Variants in CARMIL1 observed in about 807,000 individuals in gnomAD.
CARMIL1 encodes F-actin-uncapping protein LRRC16A.
A neutral mutation model predicts 177.1 loss-of-function variants in CARMIL1; 90 were observed. The observed-to-expected ratio is 0.51, with a 90% CI of 0.43 to 0.61. The LOEUF is 0.61. CARMIL1 is among the 20% of genes least tolerant of loss of function. The pLI is 0.00. For missense variants in CARMIL1, 1,380 were observed against 1,667.0 expected, an observed-to-expected ratio of 0.83 and a Z score of 3.00; for synonymous variants, 577 against 606.2, an observed-to-expected ratio of 0.95 and a Z score of 0.71.
chr6:25,459,210 T>TCTTCTTTCTTTCTTTCTTTC (rs1554200782), intron 8 of CARMIL1, among the ~76,000 whole-genome samples: 1 of 80,136 alleles, frequency 1.2e-5, no homozygotes, highest in African/African-American at 4.4e-5. Flanking sequence ...GATCCCAACT[T>TCTTCTTTCTTTCTTTCTTTC]TTTCTTTCTT....
intron 2 of CARMIL1, among the ~76,000 whole-genome samples, chr6:25,324,739 G>T (rs1784936758): frequency 6.6e-6 from 1 of 152,150 alleles, no homozygotes; most frequent in Admixed American, 6.5e-5. Flanking sequence ...GGGAGGATAG[G>T]AGATGGAGTA....
At chr6:25,562,536 C>T (rs541356363) in intron 29 of CARMIL1, among the ~76,000 whole-genome samples, 2 of 152,274 alleles carry the variant, frequency 1.3e-5, no homozygotes, top group South Asian at 2.1e-4. Flanking sequence ...CATGAGCCAC[C>T]GCACCCGGCC....
intron 5 of CARMIL1, among the ~76,000 whole-genome samples, chr6:25,444,022 C>G (rs943730518): frequency 3.0e-4 from 46 of 152,228 alleles, no homozygotes; most frequent in Admixed American, 9.2e-4. Context: ...AGGCTGCTCT[C>G]GAACTCCCGA....
At chr6:25,330,039 G>A (rs765602440) in intron 2 of CARMIL1, among the ~76,000 whole-genome samples, 1 of 152,226 alleles carries the variant, frequency 6.6e-6, no homozygotes, top group Non-Finnish European at 1.5e-5. Flanking sequence ...ATTGAAGGTA[G>A]GGAGTTGAGG....
At chr6:25,441,335 A>G (rs6919259) in intron 5 of CARMIL1, among the ~76,000 whole-genome samples, 17,414 of 66,154 alleles carry the variant, frequency 0.26, 1,343 homozygotes, top group African/African-American at 0.36. Context: ...ATATATATAT[A>G]TATGTGTGTG....
At chr6:25,565,775 T>C (rs1238289364) in intron 29 of CARMIL1, among the ~76,000 whole-genome samples, 1 of 151,930 alleles carries the variant, frequency 6.6e-6, no homozygotes, top group East Asian at 1.9e-4. Flanking sequence ...AACCCAGGAG[T>C]TGGAGGTTGC....
At chr6:25,422,241 G>T (rs529300192) in intron 3 of CARMIL1, among the ~76,000 whole-genome samples, 18 of 152,216 alleles carry the variant, frequency 1.2e-4, no homozygotes, top group Middle Eastern at 3.4e-3. Context: ...TGATGTTTGG[G>T]CCGCAGTGTT....
chr6:25,462,495 A>G (rs979484199), intron 8 of CARMIL1, among the ~76,000 whole-genome samples: 7 of 152,092 alleles, frequency 4.6e-5, no homozygotes, highest in African/African-American at 1.2e-4. Flanking sequence ...ACCATTTTCT[A>G]TGTTCATTTT....
At chr6:25,546,987 G>T (rs1007351579) in intron 26 of CARMIL1, among the ~76,000 whole-genome samples, 2 of 150,408 alleles carry the variant, frequency 1.3e-5, no homozygotes, top group Admixed American at 1.3e-4. Context: ...CCCGGGAGAT[G>T]GAAGTTGCAG....
At chr6:25,282,102 T>G (rs1781164743) in intron 1 of CARMIL1, among the ~76,000 whole-genome samples, 2 of 100,348 alleles carry the variant, frequency 2.0e-5, no homozygotes, top group Admixed American at 1.4e-4. Flanking sequence ...GCAATAAGAG[T>G]GAAACTCCAT....
intron 24 of CARMIL1, among the ~76,000 whole-genome samples, chr6:25,534,631 C>T (rs1808111202): frequency 6.6e-6 from 1 of 152,046 alleles, no homozygotes; most frequent in South Asian, 2.1e-4. Context: ...TTGTAGAAGT[C>T]TATGATATGG....
intron 2 of CARMIL1, among the ~76,000 whole-genome samples, chr6:25,382,915 A>T (rs1791719794): frequency 6.6e-6 from 1 of 152,214 alleles, no homozygotes; most frequent in South Asian, 2.1e-4. Context: ...GATTACAGGC[A>T]TGAGCCACAA....
intron 8 of CARMIL1, among the ~76,000 whole-genome samples, chr6:25,464,122 A>G (rs1405209564): frequency 6.6e-6 from 1 of 152,128 alleles, no homozygotes; most frequent in Non-Finnish European, 1.5e-5. Context: ...GCGCCCGGCC[A>G]GTTGTTCTCC....
In CARMIL1 at chr6:25,399,129, A is replaced by C. The variant is rs1022054396; in HGVS notation, c.139-20985A>C. Reference sequence around the variant, plus strand: ...AGTGTGTGGAGAGAAGGCCTCTGGAAGGATACTTTTTGATACTTATGTAAG... The same window carrying C: ...AGTGTGTGGAGAGAAGGCCTCTGGACGGATACTTTTTGATACTTATGTAAG... On this transcript the variant is annotated intron_variant, in intron 2 of 36. Transcript: ENST00000329474. Among the ~76,000 whole-genome samples the C allele has an allele frequency of 9.2e-5, 14 of 152,298 alleles. 2 individuals are homozygous for C. In the South Asian group the frequency reaches 2.7e-3, roughly 29 times the overall value.
intron 2 of CARMIL1, among the ~76,000 whole-genome samples, chr6:25,397,206 G>A (rs1429589512): frequency 2.0e-5 from 3 of 152,102 alleles, no homozygotes; most frequent in Non-Finnish European, 4.4e-5. Flanking sequence ...TCAGTCATTT[G>A]AACTTCTTTT....
intron 2 of CARMIL1, among the ~76,000 whole-genome samples, chr6:25,311,916 G>A (rs770673283): frequency 9.2e-5 from 14 of 152,304 alleles, no homozygotes; most frequent in Non-Finnish European, 1.5e-4. Flanking sequence ...GGCATTAGCC[G>A]CCTGTCAAAC....
intron 1 of CARMIL1, among the ~76,000 whole-genome samples, chr6:25,283,804 C>T (rs936782075): frequency 1.3e-5 from 2 of 152,130 alleles, no homozygotes; most frequent in Admixed American, 6.5e-5. Flanking sequence ...ACCTCCACCT[C>T]TCGGTTTCAA....
At position 25,509,674 on chromosome 6, in the gene CARMIL1, C is replaced by G. The variant is rs1269369743; in HGVS notation, c.1414C>G (p.Gln472Glu). 1.9e-6 allele frequency: 3 copies of G among 1,603,022 alleles called. No individual in the cohort carries two copies. The highest frequency in any genetic ancestry group is 2.6e-6 in the Non-Finnish European group (3 of 1,174,298). The stretch of plus-strand genomic sequence containing the variant: ...TCTCTAGCTGAGATCAGGAGGTGCT[C>G]AAGTATTAGAAGGTTGCATTGCTGA... ...SNCELRSGGA[Q>E]VLEGCIAEIH... The change falls in exon 18 of 37, where the codon CAA (glutamine) becomes GAA (glutamate). Residue 472 changes from glutamine to glutamate, a missense_variant. Coordinates refer to ENST00000329474, the MANE Select transcript of CARMIL1 (RefSeq NM_017640.6). This position sits in a 1 kb window ranked among gnomAD's most constrained non-coding sequence, Gnocchi z 4.1.
At chr6:25,426,436 A>G (rs1796283058) in intron 3 of CARMIL1, 65 bp from the exon 4 acceptor site, 2 of 1,152,420 alleles carry the variant, frequency 1.7e-6, no homozygotes, top group Non-Finnish European at 1.2e-6. Context: ...TTTTACCTTA[A>G]GTTATATGTT....
Sources: allele counts gnomAD v4.1 joint callset (sites outside exome capture counted in the v4.1 genomes callset), GRCh38; gene constraint gnomAD v4.1.1; non-coding constraint Gnocchi (gnomAD v3.1); transcripts MANE v1.5; gene names NCBI Gene and HGNC (gene_info 2026-07-23, HGNC 2026-07-21).